The following OXR1 variants were observed in gnomAD, a reference collection of about 807,000 sequenced individuals.
The protein encoded by OXR1 is oxidation resistance 1.
OXR1 carries 41 observed loss-of-function variants against 104.6 expected under a neutral mutation model. That is an observed-to-expected ratio of 0.39 (90% CI 0.31 to 0.51). The LOEUF (loss-of-function observed/expected upper bound fraction) is 0.51, where lower values mean the gene tolerates loss of function less well. Ranked by LOEUF, OXR1 falls within the 20% of genes least tolerant of loss-of-function variation. The probability of loss-of-function intolerance (pLI) is 0.77; values close to 1 mark genes in which losing one functional copy is unlikely to be tolerated. For missense variants in OXR1, 955 were observed against 1,031.9 expected, an observed-to-expected ratio of 0.93 and a Z score of 1.02; for synonymous variants, 348 against 348.4, an observed-to-expected ratio of 1.00 and a Z score of 0.01.
At chr8:106,505,012 A>T (rs1314501492) in intron 2 of OXR1, among the ~76,000 whole-genome samples, 2 of 152,222 alleles carry the variant, frequency 1.3e-5, no homozygotes, top group Non-Finnish European at 2.9e-5. Flanking sequence ...TGTTTAAAAG[A>T]ATCTTCTACC....
At chr8:106,674,454 G>A (rs765438775) in intron 3 of OXR1, among the ~76,000 whole-genome samples, 9 of 152,114 alleles carry the variant, frequency 5.9e-5, no homozygotes, top group Admixed American at 2.0e-4. Flanking sequence ...TGATTTTACA[G>A]GCTTATAGGC....
chr8:106,277,234 C>T (rs1812085710), intron 1 of OXR1, among the ~76,000 whole-genome samples: 1 of 152,166 alleles, frequency 6.6e-6, no homozygotes, highest in African/African-American at 2.4e-5. Context: ...TTCTCTTTAG[C>T]ACCACCCAAG....
At chr8:106,532,296 A>G (rs1374111732) in intron 3 of OXR1, among the ~76,000 whole-genome samples, 2 of 152,216 alleles carry the variant, frequency 1.3e-5, no homozygotes, top group Non-Finnish European at 2.9e-5. Flanking sequence ...CATATAGTGT[A>G]AGAGCTAAAA....
At chr8:106,312,926 G>A (rs1400413816) in intron 1 of OXR1, among the ~76,000 whole-genome samples, 1 of 152,046 alleles carries the variant, frequency 6.6e-6, no homozygotes, top group Admixed American at 6.6e-5. Context: ...CACCCAAATA[G>A]GGACTTCTGT....
intron 3 of OXR1, among the ~76,000 whole-genome samples, chr8:106,553,185 C>G (rs1324144205): frequency 6.7e-6 from 1 of 148,878 alleles, no homozygotes; most frequent in Non-Finnish European, 1.5e-5. Flanking sequence ...GCACATGTAC[C>G]CTAAAACTTA....
intron 3 of OXR1, among the ~76,000 whole-genome samples, chr8:106,561,834 A>G (rs1245098570): frequency 1.3e-5 from 2 of 152,196 alleles, no homozygotes; most frequent in Admixed American, 6.5e-5. Context: ...CCAGGCAAAC[A>G]GGGTCTGGAG....
Position 106,530,052 on chromosome 8 carries a change from G to C in OXR1, c.220+10913G>C, listed in dbSNP as rs147599205. Among the ~76,000 whole-genome samples, 92 of 152,170 alleles carry C rather than the reference G, an allele frequency of 6.0e-4. No homozygotes were observed. In the East Asian group the frequency reaches 0.016, roughly 26 times the overall value. On this transcript the variant is annotated intron_variant, in intron 3 of 16. Coordinates refer to ENST00000517566, the MANE Select transcript of OXR1 (RefSeq NM_001198533.2). ...TCCCATTTCACTGAATAATGGTGAG[G>C]GGAAGAAAATGACAAATTATTAAGC...
chr8:106,519,063 A>G lies in OXR1; in HGVS notation c.144A>G (p.Glu48=), dbSNP rs1265805549. 5.2e-6 allele frequency: 8 copies of G among 1,552,036 alleles called. No individual in the cohort carries two copies. The Admixed American group carries it at 9.8e-5, about 19-fold the overall frequency. Residue 48 remains glutamate (E), a synonymous_variant, in exon 3 of 17, where the codon GAA becomes GAG. Coordinates refer to ENST00000517566, the MANE Select transcript of OXR1 (RefSeq NM_001198533.2). ...KPPAPKTPII[E]EEQNNAANTQ... is the part of the protein sequence containing the mutation. Reference sequence around the variant, plus strand: ...CGGCACCCAAGACCCCCATCATTGAAGAAGAGCAGAACAATGCAGCAAATA... The same window carrying G: ...CGGCACCCAAGACCCCCATCATTGAGGAAGAGCAGAACAATGCAGCAAATA...
chr8:106,382,561 G>C (rs1207474350), intron 2 of OXR1, among the ~76,000 whole-genome samples: 1 of 151,920 alleles, frequency 6.6e-6, no homozygotes, highest in African/African-American at 2.4e-5. Flanking sequence ...TAGGCTTCCT[G>C]CTTGGTGTGG....
At chr8:106,551,411 A>G (rs187899090) in intron 3 of OXR1, among the ~76,000 whole-genome samples, 15 of 152,318 alleles carry the variant, frequency 9.8e-5, no homozygotes, top group Middle Eastern at 3.4e-3. Context: ...ATACAAAAAT[A>G]TATAAACTTT....
intron 11 of OXR1, among the ~76,000 whole-genome samples, chr8:106,732,670 A>G (rs754522995): frequency 6.6e-6 from 1 of 152,118 alleles, no homozygotes; most frequent in Non-Finnish European, 1.5e-5. Flanking sequence ...TGTTGATGTA[A>G]TAGATTACAT....
chr8:106,684,138 A>G (rs900383436), intron 5 of OXR1, 108 bp from the exon 6 acceptor site: 1 of 616,084 alleles, frequency 1.6e-6, no homozygotes, highest in East Asian at 2.6e-5. Flanking sequence ...GAAAATTTTT[A>G]TGTTTTTCTG....
At chr8:106,448,961 A>G (rs1349895223) in intron 2 of OXR1, among the ~76,000 whole-genome samples, 2 of 152,138 alleles carry the variant, frequency 1.3e-5, no homozygotes, top group African/African-American at 2.4e-5. Flanking sequence ...GTTCTCTGGT[A>G]TAAAGTTTAT....
rs538479196 is a variant in OXR1 at position 106,288,957 on chromosome 8, GA to G, written c.-139+18591del. Among the ~76,000 whole-genome samples, 580 of 152,104 alleles carry G rather than the reference GA, an allele frequency of 3.8e-3. 4 individuals carry two copies. Among genetic ancestry groups the G allele is most frequent in the African/African-American group, 0.013 (535 of 41,486 alleles). ...GGGAAAAAAGTGGTGAATAACACCA[GA>G]GAAATCCTTGTTTTCACAGACTCTG... is the stretch of plus-strand genomic sequence containing the variant. On this transcript the variant is annotated intron_variant, in intron 1 of 16. Coordinates refer to ENST00000517566, the MANE Select transcript of OXR1 (RefSeq NM_001198533.2).
At chr8:106,354,769 G>A (rs756954274) in intron 1 of OXR1, among the ~76,000 whole-genome samples, 33 of 152,160 alleles carry the variant, frequency 2.2e-4, no homozygotes, top group Non-Finnish European at 3.1e-4. Flanking sequence ...CAGCATCTAG[G>A]TATGTATAGA....
chr8:106,691,311 T>C (rs1369807932), intron 6 of OXR1, among the ~76,000 whole-genome samples: 1 of 151,970 alleles, frequency 6.6e-6, no homozygotes, highest in Non-Finnish European at 1.5e-5. Flanking sequence ...AATCACAGTT[T>C]AAAAATAGCA....
At chr8:106,572,764 A>C (rs556289858) in intron 3 of OXR1, among the ~76,000 whole-genome samples, 2 of 152,234 alleles carry the variant, frequency 1.3e-5, no homozygotes, top group Non-Finnish European at 2.9e-5. Context: ...CCTGCTATGC[A>C]TCTCAAAATT....
At chr8:106,667,940 G>A (rs112420506) in intron 3 of OXR1, among the ~76,000 whole-genome samples, 76 of 150,872 alleles carry the variant, frequency 5.0e-4, no homozygotes, top group African/African-American at 1.7e-3. Context: ...AATTCCTAAG[G>A]GGTGTGTCTA....
chr8:106,377,372 G>A (rs1236201237), intron 2 of OXR1, among the ~76,000 whole-genome samples: 2 of 152,034 alleles, frequency 1.3e-5, no homozygotes, highest in African/African-American at 4.8e-5. Context: ...AATTTATAGA[G>A]ATGAGGTCTC....
Sources: gnomAD v4.1 joint callset for allele counts (sites outside exome capture counted in the v4.1 genomes callset) on GRCh38, gnomAD v4.1.1 for gene constraint, MANE v1.5 for transcripts, NCBI Gene and HGNC (gene_info 2026-07-23, HGNC 2026-07-21) for gene names.